The following JADE1 variants were observed in gnomAD, a reference collection of about 807,000 sequenced individuals.
JADE1 encodes jade family PHD finger 1.
JADE1 carries 14 observed loss-of-function variants against 81.8 expected under a neutral mutation model. That is an observed-to-expected ratio of 0.17 (90% CI 0.11 to 0.27). JADE1 has a LOEUF of 0.27. JADE1 is among the 10% of genes least tolerant of loss of function. The pLI is 1.00. For missense variants in JADE1, 690 were observed against 1,047.9 expected (o/e 0.66, Z 4.71); for synonymous variants, 353 against 391.9 (o/e 0.90, Z 1.17).
Position 128,843,100 on chromosome 4 carries a change from G to A in JADE1, c.138+62G>A, listed in dbSNP as rs1270527657. ...TATGCTATCCCATATGCCTAGTTGAGTGGTATCTATTTGTGCAGTCCTGGG... is the reference window on the plus strand; with the variant it reads ...TATGCTATCCCATATGCCTAGTTGAATGGTATCTATTTGTGCAGTCCTGGG... On this transcript the variant is annotated intron_variant, in intron 3 of 10. Transcript: ENST00000226319. The A allele has an allele frequency of 2.2e-6, 3 of 1,386,122 alleles. No homozygotes were observed. In the Admixed American group the frequency reaches 5.3e-5, roughly 25 times the overall value. The allele number at this position is 1,386,122 out of a possible 1,614,324, so 85.9% of individuals were successfully genotyped here. A position where few individuals can be genotyped will look rare whatever the true frequency, so the allele number is the denominator to read the frequency against.
chr4:128,859,250 G>A (rs1166873491), intron 8 of JADE1, among the ~76,000 whole-genome samples: 2 of 151,998 alleles, frequency 1.3e-5, no homozygotes, highest in Admixed American at 6.6e-5. Context: ...GCATGCATAT[G>A]TGTGCATGTG....
chr4:128,849,602 A>C (rs780805053), intron 5 of JADE1, among the ~76,000 whole-genome samples: 2 of 152,074 alleles, frequency 1.3e-5, no homozygotes, highest in African/African-American at 2.4e-5. Context: ...ATTTCCAAGC[A>C]CATCATGTGT....
rs371670825 is a variant in JADE1, at chr4:128,839,521, T to A, written c.53-3432T>A. On this transcript the variant is annotated intron_variant, in intron 2 of 10. Coordinates refer to ENST00000226319, the MANE Select transcript of JADE1 (RefSeq NM_199320.4). ...ACTTTGATACGTTTTGACATGTTTA[T>A]ACCCATGAAATCATTGAAATCAAGA... 1.1e-4 allele frequency among the ~76,000 whole-genome samples: 16 copies of A among 152,362 alleles called. No individual in the cohort carries two copies. The South Asian group carries it at 3.3e-3, about 32-fold the overall frequency.
intron 6 of JADE1, among the ~76,000 whole-genome samples, chr4:128,854,397 T>G (rs138626049): frequency 6.6e-6 from 1 of 152,352 alleles, no homozygotes; most frequent in African/African-American, 2.4e-5. Context: ...GAAAAAAATT[T>G]CTTCCTTCAC....
chr4:128,830,067 A>C (rs1044571782), intron 1 of JADE1, among the ~76,000 whole-genome samples: 1 of 150,298 alleles, frequency 6.7e-6, no homozygotes, highest in Non-Finnish European at 1.5e-5. Context: ...TAGTAGAGGC[A>C]GGGTTTCACC....
chr4:128,869,727 G>A (rs971556275), intron 10 of JADE1, among the ~76,000 whole-genome samples: 41 of 152,020 alleles, frequency 2.7e-4, no homozygotes, highest in African/African-American at 9.9e-4. Context: ...TACTATTTCA[G>A]AAAAGGAAAA....
chr4:128,831,841 A>G (rs754648461), intron 2 of JADE1, 31 bp downstream of exon 2: 4 of 1,596,110 alleles, frequency 2.5e-6, no homozygotes, highest in Admixed American at 1.7e-5. Context: ...CTTGGAGCCT[A>G]CCAGGGTTTG....
At chr4:128,824,074 A>C (rs1363608630) in intron 1 of JADE1, among the ~76,000 whole-genome samples, 2 of 152,160 alleles carry the variant, frequency 1.3e-5, no homozygotes, top group African/African-American at 4.8e-5. Context: ...TTAGGAATCA[A>C]ATTATCAGGT....
At chr4:128,859,219 TGA>T (rs1382309235) in intron 8 of JADE1, among the ~76,000 whole-genome samples, 4 of 151,838 alleles carry the variant, frequency 2.6e-5, no homozygotes, top group Non-Finnish European at 4.4e-5. Context: ...GGTGTGTGTG[TGA>T]GTATGCGTAT....
intron 3 of JADE1, among the ~76,000 whole-genome samples, chr4:128,845,907 G>A (rs986081366): frequency 1.3e-5 from 2 of 151,624 alleles, no homozygotes; most frequent in African/African-American, 4.9e-5. Context: ...CTGGGTGACA[G>A]AGCAAGATTC....
At chr4:128,833,689 G>A (rs1038569839) in intron 2 of JADE1, among the ~76,000 whole-genome samples, 1 of 152,076 alleles carries the variant, frequency 6.6e-6, no homozygotes, top group African/African-American at 2.4e-5. Context: ...GCGAGACTCC[G>A]TCTCGAAAAA....
chr4:128,853,614 A>T (rs1340857541), intron 6 of JADE1, among the ~76,000 whole-genome samples: 1 of 152,206 alleles, frequency 6.6e-6, no homozygotes, highest in African/African-American at 2.4e-5. Context: ...GGGTGGGGAC[A>T]TGTGCCCACG....
chr4:128,823,009 CAG>C (rs1418141337), intron 1 of JADE1, among the ~76,000 whole-genome samples: 3 of 152,072 alleles, frequency 2.0e-5, no homozygotes, highest in Non-Finnish European at 4.4e-5. Context: ...TTAGATCTAA[CAG>C]AAAAGAATTC....
At chr4:128,816,626 C>T (rs553327627) in intron 1 of JADE1, among the ~76,000 whole-genome samples, 1 of 152,146 alleles carries the variant, frequency 6.6e-6, no homozygotes, top group African/African-American at 2.4e-5. Flanking sequence ...GACTGGAAAG[C>T]CTTTATCACT....
intron 3 of JADE1, 26 bp downstream of exon 3, chr4:128,843,064 G>A (rs371425857): frequency 1.1e-5 from 18 of 1,581,254 alleles, no homozygotes; most frequent in Non-Finnish European, 1.6e-5. Flanking sequence ...TTGCCTGACC[G>A]TGCATGAATA....
At chr4:128,851,739 C>G (rs1255265925) in intron 5 of JADE1, among the ~76,000 whole-genome samples, 1 of 152,200 alleles carries the variant, frequency 6.6e-6, no homozygotes, top group Non-Finnish European at 1.5e-5. Flanking sequence ...TCATGGCTCA[C>G]TATAGCCCCA....
At chr4:128,816,835 A>AT (rs1727078452) in intron 1 of JADE1, among the ~76,000 whole-genome samples, 3 of 151,392 alleles carry the variant, frequency 2.0e-5, no homozygotes, top group Non-Finnish European at 4.4e-5. Context: ...AAAACCTTAG[A>AT]TTTTTTTGGG....
intron 9 of JADE1, chr4:128,863,560 T>A (rs1731542952): frequency 1.0e-6 from 1 of 985,328 alleles, no homozygotes; most frequent in South Asian, 4.7e-5. Context: ...TTATTTGTGA[T>A]GCCCCTTCCC....
At chr4:128,812,856 T>C (rs922982304) in intron 1 of JADE1, among the ~76,000 whole-genome samples, 3 of 152,226 alleles carry the variant, frequency 2.0e-5, no homozygotes, top group Non-Finnish European at 4.4e-5. Flanking sequence ...AAATTTTCTT[T>C]TGTAAAATGA....
Sources: allele counts gnomAD v4.1 joint callset (sites outside exome capture counted in the v4.1 genomes callset), GRCh38; gene constraint gnomAD v4.1.1; transcripts MANE v1.5; gene names NCBI Gene and HGNC (gene_info 2026-07-23, HGNC 2026-07-21).